TRDN: variants seen among roughly 807,000 people sequenced by gnomAD.
TRDN encodes the protein triadin in skeletal muscle.
In TRDN, 161 loss-of-function variants were observed where a neutral mutation model predicts 149.7. The observed-to-expected ratio is 1.08, with a 90% CI of 0.95 to 1.23. The LOEUF (loss-of-function observed/expected upper bound fraction) is 1.23. Among genes scored for constraint, TRDN ranks in the 50% most tolerant of loss-of-function variants. The pLI, the probability that TRDN is intolerant of heterozygous loss-of-function variation, is 0.00. For missense variants in TRDN, 896 were observed against 823.5 expected, an observed-to-expected ratio of 1.09 and a Z score of -1.08; for synonymous variants, 294 against 250.5, an observed-to-expected ratio of 1.17 and a Z score of -1.64.
At chr6:123,427,327 C>T (rs987849345) in intron 12 of TRDN, among the ~76,000 whole-genome samples, 3 of 150,884 alleles carry the variant, frequency 2.0e-5, no homozygotes, top group African/African-American at 7.3e-5. Context: ...AGACAAGTGG[C>T]TAAATTTAAT....
rs924172129 is a variant in TRDN, at chr6:123,472,755, C to T, written c.854-7772G>A. ...GATCTGAGAACGGGCAGAGAACGGG[C>T]AGACTGCCTTCTCAAGTGGGTCCCT... On this transcript the variant is annotated intron_variant, in intron 9 of 40. Transcript: ENST00000334268. Among the ~76,000 whole-genome samples, 14 of 152,334 alleles carry T rather than the reference C, an allele frequency of 9.2e-5. No homozygotes were observed. In the East Asian group the frequency reaches 2.7e-3, roughly 29 times the overall value.
chr6:123,581,556 C>A (rs376040146), intron 1 of TRDN, among the ~76,000 whole-genome samples: 2 of 152,028 alleles, frequency 1.3e-5, no homozygotes, highest in Non-Finnish European at 2.9e-5. Flanking sequence ...AATATTTCTG[C>A]ATATAGAAGG....
At chr6:123,349,388 C>G in intron 21 of TRDN, 1 of 355,170 alleles carries the variant, frequency 2.8e-6, no homozygotes, top group Non-Finnish European at 3.9e-6. Flanking sequence ...ACCCATTCCC[C>G]AGCGCCTGGC....
At chr6:123,285,356 G>A (rs972775059) in intron 24 of TRDN, among the ~76,000 whole-genome samples, 1 of 151,966 alleles carries the variant, frequency 6.6e-6, no homozygotes, top group South Asian at 2.1e-4. Context: ...AAGACCAATG[G>A]GAAAGAATAG....
chr6:123,466,272 C>A (rs1286952711), intron 9 of TRDN, among the ~76,000 whole-genome samples: 1 of 152,072 alleles, frequency 6.6e-6, no homozygotes. Context: ...GAAGGTTGAT[C>A]CACATTATCT....
At chr6:123,361,526 A>T (rs12111485) in intron 20 of TRDN, among the ~76,000 whole-genome samples, 1 of 151,770 alleles carries the variant, frequency 6.6e-6, no homozygotes, top group African/African-American at 2.4e-5. Flanking sequence ...AATAAAAAAA[A>T]AGAGAGAGAG....
intron 2 of TRDN, among the ~76,000 whole-genome samples, chr6:123,552,982 T>G (rs559277234): frequency 6.6e-6 from 1 of 152,304 alleles, no homozygotes; most frequent in East Asian, 1.9e-4. Flanking sequence ...AAGTACTCTG[T>G]GCTTCCATTT....
chr6:123,249,079 A>G (rs1024782586), intron 38 of TRDN, among the ~76,000 whole-genome samples: 1 of 152,146 alleles, frequency 6.6e-6, no homozygotes, highest in Non-Finnish European at 1.5e-5. Flanking sequence ...AAATCAATAA[A>G]CCTGATACAT....
chr6:123,246,687 A>T (rs1776194228), intron 38 of TRDN, among the ~76,000 whole-genome samples: 2 of 152,136 alleles, frequency 1.3e-5, no homozygotes, highest in African/African-American at 2.4e-5. Flanking sequence ...ATACCTTCTG[A>T]AACTATTCCA....
intron 23 of TRDN, among the ~76,000 whole-genome samples, chr6:123,326,998 T>C (rs1327912924): frequency 6.6e-6 from 1 of 152,114 alleles, no homozygotes. Flanking sequence ...CCAAAAGCTA[T>C]ATATATTCTT....
At chr6:123,352,837 G>A (rs920072389) in intron 20 of TRDN, among the ~76,000 whole-genome samples, 5 of 151,664 alleles carry the variant, frequency 3.3e-5, no homozygotes, top group South Asian at 2.1e-4. Flanking sequence ...TTTACACTCC[G>A]CTTTGATAAA....
At chr6:123,324,299 G>T (rs570586230) in intron 23 of TRDN, among the ~76,000 whole-genome samples, 6 of 151,966 alleles carry the variant, frequency 3.9e-5, no homozygotes, top group Non-Finnish European at 8.8e-5. Context: ...ACTTACAGTA[G>T]AAATAATATA....
intron 32 of TRDN, among the ~76,000 whole-genome samples, chr6:123,266,278 T>TATTATATGTAATATGTATTATATATA: frequency 3.3e-5 from 1 of 30,270 alleles, no homozygotes; most frequent in Non-Finnish European, 7.1e-5. Context: ...TAGTAATATA[T>TATTATATGTAATATGTATTATATATA]ATTATATGTA....
chr6:123,336,510 A>G (rs1301794044), intron 22 of TRDN, among the ~76,000 whole-genome samples: 1 of 151,890 alleles, frequency 6.6e-6, no homozygotes, highest in African/African-American at 2.4e-5. Flanking sequence ...CCAGGAAAAA[A>G]CTTCCTGGTC....
At chr6:123,331,349 T>C (rs985179364) in intron 23 of TRDN, among the ~76,000 whole-genome samples, 1 of 152,092 alleles carries the variant, frequency 6.6e-6, no homozygotes, top group African/African-American at 2.4e-5. Context: ...GAAGTTCTAA[T>C]GCTGTCTCCA....
chr6:123,348,008 T>C (rs1933900), intron 21 of TRDN, among the ~76,000 whole-genome samples: 141,233 of 152,158 alleles, frequency 0.93, 65,607 homozygotes, highest in East Asian at 0.99. Flanking sequence ...GAATTTTTGA[T>C]CATGGAATGC....
chr6:123,302,014 G>A (rs4897183), intron 24 of TRDN, among the ~76,000 whole-genome samples: 129,633 of 149,378 alleles, frequency 0.87, 56,569 homozygotes, highest in East Asian at 0.99. Context: ...AGGCTAGCAA[G>A]GCCTAATGCA....
chr6:123,401,088 A>G (rs916256085), intron 12 of TRDN, among the ~76,000 whole-genome samples: 1 of 152,198 alleles, frequency 6.6e-6, no homozygotes, highest in Non-Finnish European at 1.5e-5. Context: ...TATGCCTGAC[A>G]ATTCTAAACC....
intron 38 of TRDN, among the ~76,000 whole-genome samples, chr6:123,224,637 T>C (rs1775290297): frequency 6.6e-6 from 1 of 151,718 alleles, no homozygotes; most frequent in South Asian, 2.1e-4. Context: ...TTGAAAAAGG[T>C]ACCAAGAATA....
Sources: gnomAD v4.1 joint callset for allele counts (sites outside exome capture counted in the v4.1 genomes callset) on GRCh38, gnomAD v4.1.1 for gene constraint, MANE v1.5 for transcripts, NCBI Gene and HGNC (gene_info 2026-07-23, HGNC 2026-07-21) for gene names.